Variants in ZNF732 observed in about 807,000 individuals in gnomAD.
The protein encoded by ZNF732 is zinc finger protein LOC654254.
In ZNF732, 12 loss-of-function variants were observed where a neutral mutation model predicts 11.5. The ratio of observed to expected loss-of-function variants is 1.05; its 90% confidence interval spans 0.67 to 1.70. The LOEUF (loss-of-function observed/expected upper bound fraction) is 1.70, where lower values mean the gene tolerates loss of function less well. Among genes scored for constraint, ZNF732 ranks in the 40% most tolerant of loss-of-function variants. ZNF732 has a pLI of 0.00. For missense variants in ZNF732, 702 were observed against 676.9 expected (o/e 1.04, Z -0.41); for synonymous variants, 231 against 236.5 (o/e 0.98, Z 0.21).
intron 1 of ZNF732, among the ~76,000 whole-genome samples, chr4:297,606 G>GTT (rs1299739886): frequency 2.4e-5 from 1 of 40,986 alleles, no homozygotes; most frequent in African/African-American, 8.7e-5. Context: ...TTTAAGATTT[G>GTT]TAAAAAAAAA....
intron 3 of ZNF732, among the ~76,000 whole-genome samples, chr4:288,878 A>ATCTGT (rs1553840998): frequency 6.6e-6 from 1 of 152,224 alleles, no homozygotes; most frequent in African/African-American, 2.4e-5. Flanking sequence ...ACAGTGATGT[A>ATCTGT]ACAGGGTTTT....
chr4:273,379 G>A (rs1263770945), intron 3 of ZNF732, among the ~76,000 whole-genome samples: 1 of 151,578 alleles, frequency 6.6e-6, no homozygotes, highest in Non-Finnish European at 1.5e-5. Flanking sequence ...CAAATAACAA[G>A]CAAATATTAT....
intron 3 of ZNF732, among the ~76,000 whole-genome samples, chr4:281,533 G>A (rs1719621591): frequency 6.6e-6 from 1 of 152,166 alleles, no homozygotes; most frequent in Non-Finnish European, 1.5e-5. Context: ...CTTGAAGAAA[G>A]TTCAGTCTTC....
intron 3 of ZNF732, among the ~76,000 whole-genome samples, chr4:289,340 T>C (rs1280522109): frequency 6.6e-6 from 1 of 152,266 alleles, no homozygotes; most frequent in Non-Finnish European, 1.5e-5. Flanking sequence ...TTTACTTTCC[T>C]TTGAAACTGG....
chr4:272,482 ACCT>A lies in ZNF732; in HGVS notation c.372_374del (p.Gly125del), dbSNP rs1719408948. 1.2e-6 allele frequency: 2 copies of A among 1,602,640 alleles called. No individual in the cohort carries two copies. Among genetic ancestry groups the A allele is most frequent in the East Asian group, 4.5e-5 (2 of 44,504 alleles). Reference sequence around the variant, plus strand: ...ACAAGCATTGATTAAATTCATTATAACCTCCTTTCTGCACCTTCCTTTTACAGC... The same window carrying A: ...ACAAGCATTGATTAAATTCATTATAACCTTTCTGCACCTTCCTTTTACAGC... On this transcript the variant is annotated inframe_deletion, in exon 4 of 4. Transcript: ENST00000419098.
intron 3 of ZNF732, among the ~76,000 whole-genome samples, chr4:277,607 A>G (rs956298681): frequency 6.6e-6 from 1 of 151,848 alleles, no homozygotes; most frequent in Non-Finnish European, 1.5e-5. Context: ...AAAGACAAAA[A>G]AAAATGTTAG....
intron 3 of ZNF732, among the ~76,000 whole-genome samples, chr4:282,611 A>G (rs1719640267): frequency 6.6e-6 from 1 of 152,128 alleles, no homozygotes; most frequent in Non-Finnish European, 1.5e-5. Flanking sequence ...TGATATGGGA[A>G]AAGTGTTTGA....
chr4:273,312 T>C (rs2108651779), intron 3 of ZNF732, among the ~76,000 whole-genome samples: 1 of 152,220 alleles, frequency 6.6e-6, no homozygotes, highest in South Asian at 2.1e-4. Context: ...GGCTTCAGAC[T>C]ATGTCAGGAG....
chr4:281,761 G>A (rs145625919), intron 3 of ZNF732, among the ~76,000 whole-genome samples: 2,003 of 152,256 alleles, frequency 0.013, 25 homozygotes, highest in Middle Eastern at 0.065. Context: ...TCCTTCAGAT[G>A]CAAGGACATC....
chr4:281,220 C>T (rs916630141), intron 3 of ZNF732, among the ~76,000 whole-genome samples: 2 of 152,150 alleles, frequency 1.3e-5, no homozygotes, highest in South Asian at 4.1e-4. Flanking sequence ...TGGAAGAAGT[C>T]CTACCCACCT....
At position 292,149 on chromosome 4, in the gene ZNF732, G is replaced by T. The variant is rs551937471; in HGVS notation, c.226+3289C>A. Among the ~76,000 whole-genome samples the T allele has an allele frequency of 5.2e-4, 79 of 152,200 alleles. 1 individual carries two copies. Among genetic ancestry groups the T allele is most frequent in the African/African-American group, 1.9e-3 (77 of 41,534 alleles). ...GAAAAGCCCTGTTGATACTGGCTTT[G>T]GCAATAACTTTTTTGATATGCCATC... On this transcript the variant is annotated intron_variant, in intron 3 of 3. Transcript: ENST00000419098.
intron 3 of ZNF732, among the ~76,000 whole-genome samples, chr4:279,493 TAAG>T (rs1340718580): frequency 5.3e-5 from 8 of 150,398 alleles, no homozygotes; most frequent in Non-Finnish European, 1.0e-4. Context: ...ATTACACCAA[TAAG>T]AATATAAAAA....
At chr4:289,610 C>T (rs1719799953) in intron 3 of ZNF732, among the ~76,000 whole-genome samples, 1 of 152,196 alleles carries the variant, frequency 6.6e-6, no homozygotes, top group Admixed American at 6.5e-5. Flanking sequence ...TGCAGATTTG[C>T]AGCCATTACC....
At chr4:284,864 CTG>C (rs1182996102) in intron 3 of ZNF732, among the ~76,000 whole-genome samples, 3 of 100,654 alleles carry the variant, frequency 3.0e-5, no homozygotes, top group Non-Finnish European at 5.4e-5. Context: ...GAGTGAGACT[CTG>C]TCTCAAAAAA....
intron 1 of ZNF732, among the ~76,000 whole-genome samples, chr4:300,074 T>C (rs1720082198): frequency 6.6e-6 from 1 of 151,836 alleles, no homozygotes; most frequent in South Asian, 2.1e-4. Context: ...GAAATTCTTA[T>C]TGGCTTATAG....
chr4:278,997 C>A (rs1264272342), intron 3 of ZNF732, among the ~76,000 whole-genome samples: 1 of 152,164 alleles, frequency 6.6e-6, no homozygotes, highest in Non-Finnish European at 1.5e-5. Flanking sequence ...ATCTGCATTG[C>A]CATTTACATG....
intron 3 of ZNF732, among the ~76,000 whole-genome samples, chr4:288,179 AT>A (rs1233557853): frequency 1.3e-5 from 2 of 151,422 alleles, no homozygotes; most frequent in Admixed American, 6.6e-5. Flanking sequence ...ATAATTTTTA[AT>A]TTTTTTTGCT....
rs371797295 is a variant in ZNF732 at position 299,931 on chromosome 4, G to A, written c.4-3776C>T. Among the ~76,000 whole-genome samples, 106 of 144,756 alleles carry A rather than the reference G, an allele frequency of 7.3e-4. 2 individuals are homozygous for A. In the South Asian group the frequency reaches 0.017, roughly 24 times the overall value. The allele number at this position is 144,756 out of a possible 152,430, so 95.0% of individuals were successfully genotyped here. On this transcript the variant is annotated intron_variant, in intron 1 of 3. Coordinates refer to ENST00000419098, the MANE Select transcript of ZNF732 (RefSeq NM_001137608.3). ...GTTGGCCAGTCTGGTCTCGAACTCC[G>A]GACCTCAGGTGATCCGCCTGCCTCG...
At chr4:297,286 A>C (rs1487464020) in intron 1 of ZNF732, among the ~76,000 whole-genome samples, 1 of 151,982 alleles carries the variant, frequency 6.6e-6, no homozygotes, top group African/African-American at 2.4e-5. Context: ...AAACAACAAA[A>C]AACAACATGT....
Sources: allele counts gnomAD v4.1 joint callset (sites outside exome capture counted in the v4.1 genomes callset), GRCh38; gene constraint gnomAD v4.1.1; transcripts MANE v1.5; gene names NCBI Gene and HGNC (gene_info 2026-07-23, HGNC 2026-07-21).